Variants in DKK4 observed in about 807,000 individuals in gnomAD.
DKK4 encodes the protein dickkopf-related protein 4.
DKK4 carries 15 observed loss-of-function variants against 14.5 expected under a neutral mutation model. The observed-to-expected ratio is 1.03, with a 90% confidence interval of 0.69 to 1.59. The LOEUF is 1.59. DKK4 is among the 40% of genes most tolerant of loss of function. The pLI is 0.00. For missense variants in DKK4, 272 were observed against 280.3 expected (o/e 0.97, Z 0.21); for synonymous variants, 89 against 105.2 (o/e 0.85, Z 0.94).
chr8:42,375,474 G>A (rs555146349), intron 2 of DKK4, among the ~76,000 whole-genome samples: 3 of 151,506 alleles, frequency 2.0e-5, no homozygotes, highest in African/African-American at 2.4e-5. Context: ...CCCGGAGGCC[G>A]AGGCTGCAGT....
chr8:42,385,564 C>A, the DKK4 span, among the ~76,000 whole-genome samples: 1 of 151,772 alleles, frequency 6.6e-6, no homozygotes, highest in African/African-American at 2.4e-5. Flanking sequence ...GTCACCTTGG[C>A]CCCCCCATAC....
the DKK4 span, among the ~76,000 whole-genome samples, chr8:42,383,148 G>A: frequency 3.9e-5 from 6 of 152,158 alleles, no homozygotes; most frequent in African/African-American, 9.7e-5. Flanking sequence ...TTGATGGGGC[G>A]GGCAGACAAA....
chr8:42,376,448 C>G (rs912556768), intron 1 of DKK4, among the ~76,000 whole-genome samples: 22 of 152,170 alleles, frequency 1.4e-4, no homozygotes, highest in African/African-American at 5.1e-4. Flanking sequence ...TAAAGCGATT[C>G]CTAAAACAAC....
upstream of DKK4, chr8:42,377,275 C>T: frequency 2.0e-6 from 1 of 511,932 alleles, no homozygotes; most frequent in South Asian, 2.9e-5. Flanking sequence ...GATGTGCCTC[C>T]TCCCCGCTCC....
intron 2 of DKK4, 136 bp from the exon 3 acceptor site, chr8:42,375,049 CAT>C (rs572305071): frequency 6.8e-5 from 58 of 854,800 alleles, no homozygotes; most frequent in African/African-American, 6.3e-4. Context: ...ATTTCTGGAA[CAT>C]GTGCTAAATA....
chr8:42,379,649 G>A (rs770962164), upstream of DKK4, among the ~76,000 whole-genome samples: 1 of 152,024 alleles, frequency 6.6e-6, no homozygotes, highest in Non-Finnish European at 1.5e-5. Context: ...TGTGTTTACA[G>A]ATGAGGTAAT....
At chr8:42,391,006 A>T in the DKK4 span, among the ~76,000 whole-genome samples, 1 of 152,204 alleles carries the variant, frequency 6.6e-6, no homozygotes, top group Non-Finnish European at 1.5e-5. Flanking sequence ...GGTGGTTCCA[A>T]GACGATGATT....
At chr8:42,379,360 TATATATATATATATATATAGAG>T (rs1824621599), upstream of DKK4, among the ~76,000 whole-genome samples, 2 of 41,252 alleles carry the variant, frequency 4.8e-5, no homozygotes, top group Non-Finnish European at 9.4e-5. Flanking sequence ...CCTATATATA[TATATATATATATATATATAGAG>T]AGAGAGAGAG....
chr8:42,377,194 C>A lies in DKK4; in HGVS notation c.-149G>T, dbSNP rs1259139301. The A allele has an allele frequency of 1.6e-6, 1 of 634,664 alleles. No homozygotes were observed. Among genetic ancestry groups the A allele is most frequent in the Non-Finnish European group, 2.7e-6 (1 of 371,050 alleles). 39.3% of individuals were successfully genotyped at this position (634,664 alleles called of 1,614,324 possible). ...TTTTCTGAAAGAAGTAAACCTTAGT[C>A]TGAGTAAGGTGCGTGAAATCGGCTG... On this transcript the variant is annotated 5_prime_UTR_variant, in exon 1 of 4. Transcript: ENST00000220812.
chr8:42,387,830 T>C, the DKK4 span, among the ~76,000 whole-genome samples: 1 of 152,186 alleles, frequency 6.6e-6, no homozygotes, highest in South Asian at 2.1e-4. Flanking sequence ...CTGGGACTGG[T>C]GTTGTCAGGT....
intron 2 of DKK4, 81 bp from the exon 3 acceptor site, chr8:42,374,994 T>C: frequency 4.8e-6 from 7 of 1,463,512 alleles, no homozygotes; most frequent in Non-Finnish European, 6.6e-6. Context: ...TACTGTTGCA[T>C]AGTTTGGCAG....
chr8:42,387,352 T>A, the DKK4 span, among the ~76,000 whole-genome samples: 1 of 127,370 alleles, frequency 7.9e-6, no homozygotes, highest in Non-Finnish European at 1.6e-5. Flanking sequence ...GTCTTTTTTT[T>A]TTTTTTTTTT....
upstream of DKK4, among the ~76,000 whole-genome samples, chr8:42,380,659 GAAGA>G (rs1824658850): frequency 7.0e-5 from 9 of 127,766 alleles, no homozygotes; most frequent in South Asian, 2.6e-4. Context: ...AGAAAGGAAG[GAAGA>G]AAGGAAGAAA....
upstream of DKK4, among the ~76,000 whole-genome samples, chr8:42,379,392 G>T (rs866741591): frequency 0.039 from 2,819 of 72,850 alleles, 27 homozygotes; most frequent in Non-Finnish European, 0.052. Context: ...GAGAGAGAGA[G>T]AGAGAGAGAG....
chr8:42,380,169 C>T (rs183898854), upstream of DKK4, among the ~76,000 whole-genome samples: 5 of 152,114 alleles, frequency 3.3e-5, no homozygotes, highest in Non-Finnish European at 5.9e-5. Context: ...CCCATCTCTA[C>T]GAAAAATACA....
upstream of DKK4, among the ~76,000 whole-genome samples, chr8:42,379,372 TATATATAG>T (rs1348475535): frequency 2.8e-4 from 14 of 50,612 alleles, no homozygotes; most frequent in Admixed American, 1.3e-3. Flanking sequence ...TATATATATA[TATATATAG>T]AGAGAGAGAG....
rs770430997 is a variant in DKK4, at chr8:42,377,096, C to T, written c.-51G>A. On this transcript the variant is annotated 5_prime_UTR_variant, in exon 1 of 4. Transcript: ENST00000220812. The stretch of plus-strand genomic sequence containing the variant: ...GTCCCAGCACTGTGCGTCACCAAAG[C>T]GAGGCTGCTCTCCACCCAGAGCAGA... 3.0e-5 allele frequency: 45 copies of T among 1,493,284 alleles called. No individual in the cohort carries two copies. Among genetic ancestry groups the T allele is most frequent in the Admixed American group, 1.4e-4 (8 of 56,694 alleles). 92.5% of individuals were successfully genotyped at this position (1,493,284 alleles called of 1,614,324 possible).
chr8:42,376,519 A>G (rs537240862), intron 1 of DKK4, among the ~76,000 whole-genome samples: 93 of 152,292 alleles, frequency 6.1e-4, no homozygotes, highest in African/African-American at 2.2e-3. Flanking sequence ...TTAAATTCTC[A>G]TTCCCATGTT....
At chr8:42,387,729 G>A in the DKK4 span, among the ~76,000 whole-genome samples, 1 of 152,128 alleles carries the variant, frequency 6.6e-6, no homozygotes, top group South Asian at 2.1e-4. Context: ...GGACTAGAGG[G>A]ACAGGAAGCA....
Sources: gnomAD v4.1 joint callset for allele counts (sites outside exome capture counted in the v4.1 genomes callset) on GRCh38, gnomAD v4.1.1 for gene constraint, MANE v1.5 for transcripts, NCBI Gene and HGNC (gene_info 2026-07-23, HGNC 2026-07-21) for gene names.